The following SCLT1 variants were observed in gnomAD, a reference collection of about 807,000 sequenced individuals.
SCLT1 encodes the protein sodium channel and clathrin linker 1, also known as sodium channel-associated protein 1.
In SCLT1, 78 loss-of-function variants were observed where a neutral mutation model predicts 112.8. The ratio of observed to expected loss-of-function variants is 0.69; its 90% CI spans 0.58 to 0.83. SCLT1 has a LOEUF of 0.83. SCLT1 is among the 40% of genes least tolerant of loss of function. The probability of loss-of-function intolerance (pLI) is 0.00; values close to 1 mark genes in which losing one functional copy is unlikely to be tolerated. For missense variants in SCLT1, 747 were observed against 770.4 expected (o/e 0.97, Z 0.36); for synonymous variants, 257 against 254.7 (o/e 1.01, Z -0.09).
chr4:128,923,705 T>C (rs1172660261), intron 18 of SCLT1, among the ~76,000 whole-genome samples: 1 of 152,130 alleles, frequency 6.6e-6, no homozygotes, highest in East Asian at 1.9e-4. Flanking sequence ...TTTGTTCCTT[T>C]TTATTTCTGA....
chr4:129,056,294 A>C (rs973667871), intron 2 of SCLT1, among the ~76,000 whole-genome samples: 18 of 152,062 alleles, frequency 1.2e-4, no homozygotes, highest in African/African-American at 3.9e-4. Context: ...TCCCCAGTGA[A>C]TGTTCTTGGC....
chr4:128,967,762 G>A (rs1740335846), intron 10 of SCLT1, among the ~76,000 whole-genome samples: 1 of 151,874 alleles, frequency 6.6e-6, no homozygotes, highest in Non-Finnish European at 1.5e-5. Context: ...TTTGTCAGAT[G>A]CACAGTTTGC....
chr4:128,919,335 T>C (rs1735704774), intron 18 of SCLT1, among the ~76,000 whole-genome samples: 1 of 152,034 alleles, frequency 6.6e-6, no homozygotes, highest in Non-Finnish European at 1.5e-5. Context: ...GGGGAAACTA[T>C]AAAACTAAGG....
intron 2 of SCLT1, among the ~76,000 whole-genome samples, chr4:129,049,276 T>C (rs1256993662): frequency 6.6e-6 from 1 of 151,656 alleles, no homozygotes; most frequent in Non-Finnish European, 1.5e-5. Context: ...GTGGCACATA[T>C]ACACCATGGA....
chr4:128,886,322 G>A (rs1579279474), intron 20 of SCLT1, among the ~76,000 whole-genome samples: 1 of 152,202 alleles, frequency 6.6e-6, no homozygotes, highest in East Asian at 1.9e-4. Context: ...CCAGTAACAC[G>A]ATGCTGCACT....
chr4:129,081,145 T>A (rs1262492730), intron 2 of SCLT1, among the ~76,000 whole-genome samples: 2 of 152,174 alleles, frequency 1.3e-5, no homozygotes, highest in Admixed American at 6.5e-5. Context: ...TTAAGTAGTT[T>A]AGACACACAC....
At chr4:128,945,881 C>T (rs948615091) in intron 16 of SCLT1, 126 bp downstream of exon 16, 10 of 514,348 alleles carry the variant, frequency 1.9e-5, no homozygotes, top group South Asian at 1.3e-4. Flanking sequence ...ATATTTGGTC[C>T]TAATTGTTTT....
In SCLT1 at chr4:128,999,789, T is replaced by A. The variant is rs1280264324; in HGVS notation, c.432A>T (p.Lys144Asn). The change falls in exon 7 of 21, where the codon AAA becomes AAT. Residue 144 changes from lysine (K) to asparagine (N), a missense_variant. Coordinates refer to ENST00000281142, the MANE Select transcript of SCLT1 (RefSeq NM_144643.4). ...TCTGCCAGAGTTCCACAGCCTGAGT[T>A]TTTTCCTATTAAAAAAGTTTGATAA... ...QEQLQLANQE[K>N]TQAVELWQTV... 6.3e-7 allele frequency: 1 copy of A among 1,595,168 alleles called. No individual in the cohort carries two copies. The highest frequency in any genetic ancestry group is 8.5e-7 in the Non-Finnish European group (1 of 1,171,610).
intron 6 of SCLT1, among the ~76,000 whole-genome samples, chr4:129,001,649 T>C (rs1379280979): frequency 2.0e-5 from 3 of 152,094 alleles, no homozygotes; most frequent in Admixed American, 6.6e-5. Flanking sequence ...AACTGACTTC[T>C]AGAAAGATTT....
chr4:128,891,522 A>G (rs1403261636), intron 18 of SCLT1, among the ~76,000 whole-genome samples: 2 of 152,200 alleles, frequency 1.3e-5, no homozygotes, highest in African/African-American at 4.8e-5. Flanking sequence ...GTACAAAAGT[A>G]TCTTCAACAT....
intron 10 of SCLT1, among the ~76,000 whole-genome samples, chr4:128,970,096 T>C (rs1466943614): frequency 6.6e-6 from 1 of 152,208 alleles, no homozygotes; most frequent in Admixed American, 6.5e-5. Flanking sequence ...AATAACCAGT[T>C]AACTGAAACT....
intron 6 of SCLT1, among the ~76,000 whole-genome samples, chr4:129,000,933 G>A (rs1743423307): frequency 6.7e-6 from 1 of 150,188 alleles, no homozygotes; most frequent in Non-Finnish European, 1.5e-5. Context: ...CCATAGATTA[G>A]TTTTGTCTAA....
At position 129,033,766 on chromosome 4, in the gene SCLT1, A is replaced by G. The variant is rs1475763581; in HGVS notation, c.290+5275T>C. Among the ~76,000 whole-genome samples the G allele has an allele frequency of 6.6e-5, 10 of 152,262 alleles. No homozygotes were observed. The East Asian group carries it at 1.5e-3, about 23-fold the overall frequency. On this transcript the variant is annotated intron_variant, in intron 5 of 20. Transcript: ENST00000281142. ...TAGTTTACCATGTTTAAGGAAGCCA[A>G]TGTAAGGTCAGAGTGACTTAAGACT... is the stretch of plus-strand genomic sequence containing the variant.
At chr4:129,084,364 T>C (rs1037533104) in intron 1 of SCLT1, among the ~76,000 whole-genome samples, 1 of 152,036 alleles carries the variant, frequency 6.6e-6, no homozygotes, top group African/African-American at 2.4e-5. Context: ...TATATAAAAA[T>C]TAATTATATT....
chr4:128,877,790 A>G (rs59417303), intron 3 of SCLT1, among the ~76,000 whole-genome samples: 2,212 of 152,274 alleles, frequency 0.015, 54 homozygotes, highest in African/African-American at 0.05. Flanking sequence ...ACTTGGTTAA[A>G]ACATGTTAAT....
intron 14 of SCLT1, among the ~76,000 whole-genome samples, chr4:128,950,896 A>G (rs1173948721): frequency 6.6e-6 from 1 of 152,144 alleles, no homozygotes; most frequent in Non-Finnish European, 1.5e-5. Flanking sequence ...AAGATAAACT[A>G]CACCTTACCA....
chr4:128,884,573 C>CT (rs1732749774), intron 20 of SCLT1, 34 bp from the exon 21 acceptor site: 8 of 1,384,134 alleles, frequency 5.8e-6, no homozygotes, highest in Non-Finnish European at 8.2e-6. Flanking sequence ...TAAGTAGTTA[C>CT]TTTTTCTGTG....
intron 9 of SCLT1, among the ~76,000 whole-genome samples, chr4:128,983,586 C>T (rs982616323): frequency 9.9e-5 from 15 of 152,020 alleles, no homozygotes; most frequent in East Asian, 3.9e-4. Context: ...AGTTGTTCTG[C>T]GGGAAACAGC....
intron 1 of SCLT1, among the ~76,000 whole-genome samples, chr4:129,085,495 C>G (rs187870671): frequency 6.6e-6 from 1 of 152,296 alleles, no homozygotes; most frequent in African/African-American, 2.4e-5. Context: ...CCATTCGACC[C>G]TTTAATCCCA....
Sources: gnomAD v4.1 joint callset for allele counts (sites outside exome capture counted in the v4.1 genomes callset) on GRCh38, gnomAD v4.1.1 for gene constraint, MANE v1.5 for transcripts, NCBI Gene and HGNC (gene_info 2026-07-23, HGNC 2026-07-21) for gene names.